The following ANK2 variants were observed in gnomAD, a reference collection of about 807,000 sequenced individuals.
ANK2 encodes ankyrin-2.
Under a neutral mutation model 360.5 loss-of-function variants are expected in ANK2, and 83 were observed. The observed-to-expected ratio is 0.23, with a 90% confidence interval of 0.19 to 0.28. The LOEUF is 0.28. ANK2 is among the 10% of genes least tolerant of loss of function. The probability of loss-of-function intolerance (pLI) is 1.00; values close to 1 mark genes in which losing one functional copy is unlikely to be tolerated. For synonymous variants in ANK2, 1,740 were observed against 1,759.5 expected (o/e 0.99, Z 0.28); for missense variants, 4,201 against 4,795.7 (o/e 0.88, Z 3.66).
At chr4:113,260,170 T>C (rs2051962908) in intron 13 of ANK2, among the ~76,000 whole-genome samples, 1 of 152,210 alleles carries the variant, frequency 6.6e-6, no homozygotes, top group Admixed American at 6.5e-5. Flanking sequence ...TTGTGGAATT[T>C]GTGGCCACTC....
chr4:112,822,417 C>CA (rs1159310102), intron 1 of ANK2, among the ~76,000 whole-genome samples: 12,486 of 94,426 alleles, frequency 0.13, 923 homozygotes, highest in African/African-American at 0.25. Context: ...GATTCCGTCT[C>CA]AAAAAAAAAA....
At position 113,354,441 on chromosome 4, in the gene ANK2, C is replaced by T. The variant is rs541443934; in HGVS notation, c.5823C>T (p.Pro1941=). 4.3e-6 allele frequency: 7 copies of T among 1,614,070 alleles called. No homozygotes were observed. In the South Asian group the frequency reaches 7.7e-5, roughly 18 times the overall value. The change falls in exon 38 of 46, where the codon CCC becomes CCT. Residue 1941 remains proline (P), a synonymous_variant. Coordinates refer to ENST00000357077, the MANE Select transcript of ANK2 (RefSeq NM_001148.6). ...GRTEKRLPVS[P]SGRTDKHQPV... is the part of the protein sequence containing the mutation. The stretch of plus-strand genomic sequence containing the variant: ...CAGAAAAACGCTTGCCTGTTTCACC[C>T]TCCGGAAGAACGGACAAGCACCAAC...
intron 1 of ANK2, among the ~76,000 whole-genome samples, chr4:112,890,338 C>T (rs531074205): frequency 5.3e-5 from 8 of 152,226 alleles, no homozygotes; most frequent in Admixed American, 5.2e-4. Flanking sequence ...GTACCAGATT[C>T]TAGAATAAAA....
intron 1 of ANK2, among the ~76,000 whole-genome samples, chr4:112,821,499 A>ATTTTTTTTTTTTTTTTTTTTTTTTTT (rs952095787): frequency 6.9e-6 from 1 of 144,430 alleles, no homozygotes. Flanking sequence ...GACTACCCTA[A>ATTTTTTTTTTTTTTTTTTTTTTTTTT]TTTTTTTTTT....
intron 24 of ANK2, among the ~76,000 whole-genome samples, chr4:113,312,291 AAG>A (rs1491194428): frequency 3.3e-5 from 5 of 149,970 alleles, no homozygotes; most frequent in African/African-American, 1.3e-4. Flanking sequence ...AAAAAAAAAA[AAG>A]AAAAGAAAAG....
intron 2 of ANK2, among the ~76,000 whole-genome samples, chr4:112,957,733 G>T (rs1324302111): frequency 3.3e-5 from 5 of 151,454 alleles, no homozygotes; most frequent in Non-Finnish European, 7.4e-5. Context: ...TGGCTGCCGG[G>T]CGGAGACGCT....
intron 1 of ANK2, among the ~76,000 whole-genome samples, chr4:112,874,798 G>A (rs1360787374): frequency 6.6e-6 from 1 of 152,106 alleles, no homozygotes; most frequent in East Asian, 1.9e-4. Flanking sequence ...TCTGTAATCA[G>A]TGGGAAATCA....
chr4:112,875,186 G>T (rs998429992), intron 1 of ANK2, among the ~76,000 whole-genome samples: 4 of 151,946 alleles, frequency 2.6e-5, no homozygotes, highest in African/African-American at 7.3e-5. Context: ...CATGCCCAAG[G>T]TTTTTGTAGT....
intron 2 of ANK2, among the ~76,000 whole-genome samples, chr4:112,990,675 G>C (rs2046434337): frequency 6.6e-6 from 1 of 152,162 alleles, no homozygotes; most frequent in African/African-American, 2.4e-5. Context: ...CAAAGGGCAT[G>C]ACTCACTGCT....
chr4:112,706,072 C>T, the ANK2 span, among the ~76,000 whole-genome samples: 10 of 150,906 alleles, frequency 6.6e-5, no homozygotes, highest in East Asian at 2.0e-3. Flanking sequence ...GGCCGCAGGC[C>T]CGACGCGGAG....
At chr4:113,019,003 G>GAAT in intron 2 of ANK2, among the ~76,000 whole-genome samples, 1 of 152,100 alleles carries the variant, frequency 6.6e-6, no homozygotes, top group Non-Finnish European at 1.5e-5. Flanking sequence ...CATTTGAGGA[G>GAAT]AACAACTATG....
Position 113,354,729 on chromosome 4 carries a change from A to C in ANK2, c.6111A>C (p.Leu2037=). The change falls in exon 38 of 46, where the codon CTA becomes CTC. Residue 2037 remains leucine (L), a synonymous_variant. Transcript: ENST00000357077. The part of the protein sequence containing the change: ...VRVEKEKGPI[L]TQREAQKTEN... ...TAGAAAAAGAAAAGGGGCCGATACT[A>C]ACCCAGAGAGAAGCTCAGAAAACAG... 6 of 1,613,710 alleles carry C rather than the reference A, an allele frequency of 3.7e-6. No individual in the cohort carries two copies. The highest frequency in any genetic ancestry group is 5.1e-6 in the Non-Finnish European group (6 of 1,179,928).
At chr4:113,342,006 A>T in intron 33 of ANK2, 90 bp downstream of exon 33, 7 of 1,260,096 alleles carry the variant, frequency 5.6e-6, no homozygotes, top group Non-Finnish European at 7.7e-6. Flanking sequence ...TAATAAATAG[A>T]ATAATTAAAA....
intron 4 of ANK2, among the ~76,000 whole-genome samples, chr4:113,230,917 A>C (rs990736803): frequency 2.0e-5 from 3 of 152,006 alleles, no homozygotes; most frequent in Admixed American, 2.0e-4. Flanking sequence ...ATTTTAGTAA[A>C]TAACTGTGTA....
chr4:112,718,464 A>C, the ANK2 span, among the ~76,000 whole-genome samples: 1 of 150,886 alleles, frequency 6.6e-6, no homozygotes, highest in Admixed American at 6.6e-5. Flanking sequence ...ACAGGCACCC[A>C]CCACCACGTT....
At chr4:112,863,325 C>G (rs1278802420) in intron 1 of ANK2, among the ~76,000 whole-genome samples, 2 of 151,944 alleles carry the variant, frequency 1.3e-5, no homozygotes, top group African/African-American at 4.8e-5. Flanking sequence ...ATTTATTTAT[C>G]TTTCAAACAT....
At position 113,367,710 on chromosome 4, in the gene ANK2, A is replaced by T. The variant is rs762384095; in HGVS notation, c.11177A>T (p.Asp3726Val). The change falls in exon 42 of 46, where the codon GAT (aspartate) becomes GTT (valine). Residue 3726 changes from aspartate (D) to valine (V), a missense_variant. Asp to Val is a radical substitution (Grantham distance 152). Coordinates refer to ENST00000357077, the MANE Select transcript of ANK2 (RefSeq NM_001148.6). ...TCTGTTGGTTATTCCACTTTTCAGG[A>T]TGGCGTCCCCAAAACTGAGGGGGAC... Reference protein sequence around the residue: ...DISVGYSTFQDGVPKTEGDSS... With the variant: ...DISVGYSTFQVGVPKTEGDSS... 1 of 1,613,448 alleles carries T rather than the reference A, an allele frequency of 6.2e-7. No homozygotes were observed. The highest frequency in any genetic ancestry group is 1.3e-5 in the African/African-American group (1 of 74,694).
At chr4:112,778,896 A>G in the ANK2 span, among the ~76,000 whole-genome samples, 2 of 152,198 alleles carry the variant, frequency 1.3e-5, no homozygotes, top group Non-Finnish European at 2.9e-5. Context: ...AGGCAGTACT[A>G]GTGCTTTCCA....
rs997757383 is a variant in ANK2, at chr4:113,336,615, A to G, written c.3630A>G (p.Leu1210=). ...ACAGTGAGCTGGTTAAGAAGATCCT[A>G]GGCAACAAAGCTACCTTCAGCCCTA... The part of the protein sequence containing the change: ...PMHSELVKKI[L]GNKATFSPIV... The change falls in exon 31 of 46, where the codon CTA becomes CTG. Residue 1210 remains leucine, a synonymous_variant. Coordinates refer to ENST00000357077, the MANE Select transcript of ANK2 (RefSeq NM_001148.6). 5 of 1,614,156 alleles carry G rather than the reference A, an allele frequency of 3.1e-6. No homozygotes were observed. Among genetic ancestry groups the G allele is most frequent in the Non-Finnish European group, 4.2e-6 (5 of 1,180,032 alleles).
Sources: gnomAD v4.1 joint callset for allele counts (sites outside exome capture counted in the v4.1 genomes callset) on GRCh38, gnomAD v4.1.1 for gene constraint, MANE v1.5 for transcripts, NCBI Gene and HGNC (gene_info 2026-07-23, HGNC 2026-07-21) for gene names.